Variants in METTL15 observed in about 807,000 individuals in gnomAD.
The protein encoded by METTL15 is methyltransferase 15, mitochondrial 12S rRNA N4-cytidine.
In METTL15, 34 loss-of-function variants were observed where a neutral mutation model predicts 38.3. The ratio of observed to expected loss-of-function variants is 0.89; its 90% CI spans 0.68 to 1.18. The LOEUF is 1.18. Ranked by LOEUF, METTL15 falls within the 50% of genes most tolerant of loss-of-function variation. The probability of loss-of-function intolerance (pLI) is 0.00; values close to 1 mark genes in which losing one functional copy is unlikely to be tolerated. For missense variants in METTL15, 438 were observed against 498.4 expected (o/e 0.88, Z 1.15); for synonymous variants, 162 against 170.9 (o/e 0.95, Z 0.41).
At position 28,353,878 on chromosome 11, in the gene METTL15, T is replaced by C. The variant is rs1248016841; in HGVS notation, c.*258+1720T>C. 7.4e-5 allele frequency among the ~76,000 whole-genome samples: 11 copies of C among 148,732 alleles called. No individual in the cohort carries two copies. The Admixed American group carries it at 7.4e-4, about 10-fold the overall frequency. On this transcript the variant is annotated intron_variant and NMD_transcript_variant, in intron 4 of 7. Transcript: ENST00000532947. ...AAGCGGAGCTTGCAGTGAGCCGAGA[T>C]TGCGCCACTGCAGTCCGCAGTCCGG...
At chr11:28,412,236 T>A (rs1850733831) in intron 5 of METTL15, among the ~76,000 whole-genome samples, 1 of 151,986 alleles carries the variant, frequency 6.6e-6, no homozygotes, top group South Asian at 2.1e-4. Context: ...GCAGTCTGTC[T>A]TCTGGGTATA....
At chr11:28,218,466 G>T (rs368750278) in intron 4 of METTL15, among the ~76,000 whole-genome samples, 1 of 152,084 alleles carries the variant, frequency 6.6e-6, no homozygotes, top group Non-Finnish European at 1.5e-5. Context: ...GGGCTGAGAC[G>T]ATGGGGTTTT....
At chr11:28,409,987 ACT>A (rs1461387774) in intron 5 of METTL15, among the ~76,000 whole-genome samples, 4 of 152,130 alleles carry the variant, frequency 2.6e-5, no homozygotes, top group African/African-American at 7.2e-5. Context: ...ATTATGAAAA[ACT>A]CTATGCAAAT....
chr11:28,333,924 A>G (rs1849876403), downstream of METTL15, among the ~76,000 whole-genome samples: 3 of 151,844 alleles, frequency 2.0e-5, no homozygotes, highest in Admixed American at 1.3e-4. Context: ...AGAGTATTAC[A>G]TACCTAAGGT....
At chr11:28,301,761 A>T (rs993888952) in intron 6 of METTL15, among the ~76,000 whole-genome samples, 1 of 152,146 alleles carries the variant, frequency 6.6e-6, no homozygotes, top group Admixed American at 6.6e-5. Flanking sequence ...TTCACATTAC[A>T]TCTTTTTTGG....
At chr11:28,459,142 A>G (rs1305295479) in intron 6 of METTL15, among the ~76,000 whole-genome samples, 2 of 152,156 alleles carry the variant, frequency 1.3e-5, no homozygotes, top group Non-Finnish European at 2.9e-5. Context: ...ATCTTTTGGT[A>G]TTTCCTATCC....
intron 4 of METTL15, among the ~76,000 whole-genome samples, chr11:28,219,472 A>C (rs889460334): frequency 6.6e-6 from 1 of 152,100 alleles, no homozygotes; most frequent in Admixed American, 6.5e-5. Flanking sequence ...TAGTCTTGCT[A>C]GCAGTCTATC....
intron 6 of METTL15, among the ~76,000 whole-genome samples, chr11:28,439,853 A>G (rs1475221371): frequency 1.3e-5 from 2 of 152,234 alleles, no homozygotes; most frequent in African/African-American, 4.8e-5. Flanking sequence ...GCCACATGTT[A>G]GCAGAGCATG....
At chr11:28,353,846 A>G (rs1850065202) in intron 4 of METTL15, among the ~76,000 whole-genome samples, 1 of 149,192 alleles carries the variant, frequency 6.7e-6, no homozygotes, top group Non-Finnish European at 1.5e-5. Context: ...AATGGCGTGA[A>G]CCCGGGAAGC....
At chr11:28,471,864 A>G (rs1271856972) in intron 6 of METTL15, among the ~76,000 whole-genome samples, 1 of 152,158 alleles carries the variant, frequency 6.6e-6, no homozygotes, top group Non-Finnish European at 1.5e-5. Flanking sequence ...TGCTAATCAG[A>G]GCAGACATCA....
chr11:28,443,050 C>G (rs987231138), intron 6 of METTL15, among the ~76,000 whole-genome samples: 9 of 152,162 alleles, frequency 5.9e-5, no homozygotes, highest in Admixed American at 5.2e-4. Context: ...GTTACCCATA[C>G]ACTAGTCAAG....
chr11:28,334,642 A>G (rs1237514389), downstream of METTL15, among the ~76,000 whole-genome samples: 1 of 152,156 alleles, frequency 6.6e-6, no homozygotes, highest in East Asian at 1.9e-4. Context: ...GCTGGGTTGT[A>G]TAACAAACAC....
chr11:28,435,501 T>C lies in METTL15; in HGVS notation c.*424+11137T>C, dbSNP rs181442903. Among the ~76,000 whole-genome samples the C allele has an allele frequency of 3.4e-3, 515 of 152,284 alleles. 2 individuals are homozygous for C. The highest frequency in any genetic ancestry group is 0.012 in the African/African-American group (486 of 41,538). ...CTGGGAATGCTCCTCAGTCTATTGT[T>C]CTCCATGGCTCTTGGCATGTCTCTT... On this transcript the variant is annotated intron_variant and NMD_transcript_variant, in intron 6 of 7. Transcript: ENST00000532947.
At chr11:28,123,645 T>C (rs1852346346) in intron 3 of METTL15, among the ~76,000 whole-genome samples, 1 of 152,158 alleles carries the variant, frequency 6.6e-6, no homozygotes, top group Non-Finnish European at 1.5e-5. Flanking sequence ...GCATTTTTTA[T>C]AGCTACTTAT....
intron 6 of METTL15, among the ~76,000 whole-genome samples, chr11:28,469,524 AT>A (rs1219286080): frequency 6.6e-6 from 1 of 152,184 alleles, no homozygotes; most frequent in East Asian, 1.9e-4. Context: ...ATGGATTTGA[AT>A]GCTGACTCCA....
At chr11:28,495,630 C>T (rs78289496) in intron 6 of METTL15, among the ~76,000 whole-genome samples, 2,879 of 152,218 alleles carry the variant, frequency 0.019, 34 homozygotes, top group South Asian at 0.034. Context: ...AGATTTCAGA[C>T]ATTTTCCAAA....
intron 3 of METTL15, chr11:28,163,452 T>G: frequency 5.0e-6 from 2 of 398,220 alleles, no homozygotes; most frequent in Non-Finnish European, 8.9e-6. Context: ...TTTTTCCTCT[T>G]GTAACTCTCT....
At chr11:28,389,241 T>TG (rs1047932012) in intron 5 of METTL15, among the ~76,000 whole-genome samples, 3 of 150,430 alleles carry the variant, frequency 2.0e-5, no homozygotes, top group African/African-American at 4.9e-5. Context: ...GTTCTTTTTT[T>TG]TTATTATACT....
At chr11:28,110,606 G>T (rs1030852596) in intron 2 of METTL15, among the ~76,000 whole-genome samples, 3 of 152,158 alleles carry the variant, frequency 2.0e-5, no homozygotes, top group Admixed American at 6.5e-5. Context: ...AGGCAAAAGG[G>T]TGTATTTTTC....
Sources: allele counts gnomAD v4.1 joint callset (sites outside exome capture counted in the v4.1 genomes callset), GRCh38; gene constraint gnomAD v4.1.1; transcripts MANE v1.5; gene names NCBI Gene and HGNC (gene_info 2026-07-23, HGNC 2026-07-21).